The following UBXN4 variants were observed in gnomAD, a reference collection of about 807,000 sequenced individuals.
UBXN4 encodes UBX domain protein 4.
Under a neutral mutation model 66.2 loss-of-function variants are expected in UBXN4, and 35 were observed. The observed-to-expected ratio is 0.53, with a 90% confidence interval of 0.40 to 0.70. The LOEUF is 0.70. Among genes scored for constraint, UBXN4 ranks in the 30% least tolerant of loss-of-function variants. UBXN4 has a pLI of 0.00. For synonymous variants in UBXN4, 203 were observed against 204.5 expected (o/e 0.99, Z 0.06); for missense variants, 533 against 599.8 (o/e 0.89, Z 1.16).
Position 135,782,967 on chromosome 2 carries a change from CTG to C in UBXN4, c.*81_*82del. The C allele has an allele frequency of 6.8e-7, 1 of 1,460,492 alleles. No homozygotes were observed. Among genetic ancestry groups the C allele is most frequent in the Non-Finnish European group, 9.3e-7 (1 of 1,073,230 alleles). 90.5% of individuals were successfully genotyped at this position (1,460,492 alleles called of 1,614,324 possible). A position where few individuals can be genotyped will look rare whatever the true frequency, so the allele number is the denominator to read the frequency against. On this transcript the variant is annotated 3_prime_UTR_variant, in exon 13 of 13. Coordinates refer to ENST00000272638, the MANE Select transcript of UBXN4 (RefSeq NM_014607.4). The stretch of plus-strand genomic sequence containing the variant: ...CTAAAATTCTACTGGAGAAGTGGGA[CTG>C]CTTTATATTTTCCAACTGGTCTATA...
chr2:135,781,766 G>A (rs560559262), intron 12 of UBXN4, among the ~76,000 whole-genome samples: 1 of 152,314 alleles, frequency 6.6e-6, no homozygotes, highest in South Asian at 2.1e-4. Context: ...AGAGCTCGTT[G>A]TATGGATTTT....
In UBXN4 at chr2:135,778,936, C is replaced by T; in HGVS notation, c.1054-12C>T. On this transcript the variant is annotated splice_polypyrimidine_tract_variant and intron_variant, in intron 10 of 12. Transcript: ENST00000272638. The stretch of plus-strand genomic sequence containing the variant: ...AAAGGCACTCTTTAAGTTTTTAAAA[C>T]TTATTTTACAGACTGTTGGCAACAC... 5 of 1,593,338 alleles carry T rather than the reference C, an allele frequency of 3.1e-6. No individual in the cohort carries two copies. Among genetic ancestry groups the T allele is most frequent in the Non-Finnish European group, 4.3e-6 (5 of 1,171,422 alleles).
chr2:135,780,008 A>G (rs1266720809), intron 11 of UBXN4, among the ~76,000 whole-genome samples, 175 bp from the exon 12 acceptor site: 1 of 151,164 alleles, frequency 6.6e-6, no homozygotes, highest in Non-Finnish European at 1.5e-5. Flanking sequence ...AACTTCTGGG[A>G]GTCTTCAGAA....
intron 7 of UBXN4, 119 bp from the exon 8 acceptor site, chr2:135,770,452 C>G: frequency 3.1e-6 from 2 of 650,110 alleles, no homozygotes; most frequent in South Asian, 5.3e-5. Flanking sequence ...TTAATAAACT[C>G]GTCTAGACTT....
chr2:135,773,942 A>G (rs772145922), intron 9 of UBXN4, among the ~76,000 whole-genome samples: 5 of 152,254 alleles, frequency 3.3e-5, no homozygotes, highest in Admixed American at 6.5e-5. Context: ...TGTTAAGATG[A>G]TAATCCTCCC....
chr2:135,758,459 C>A (rs2077291799), intron 5 of UBXN4, among the ~76,000 whole-genome samples: 1 of 152,096 alleles, frequency 6.6e-6, no homozygotes. Context: ...AGTAATCCTC[C>A]TGCCTTGCCC....
At chr2:135,748,855 C>A (rs951094372) in intron 2 of UBXN4, among the ~76,000 whole-genome samples, 2 of 151,494 alleles carry the variant, frequency 1.3e-5, no homozygotes, top group Admixed American at 1.3e-4. Context: ...CACAGTGAGA[C>A]CTTGTCTCTA....
chr2:135,762,046 C>A (rs2077319264), intron 6 of UBXN4, 135 bp downstream of exon 6: 1 of 838,830 alleles, frequency 1.2e-6, no homozygotes, highest in Non-Finnish European at 1.8e-6. Context: ...GATCACCTAA[C>A]TAATTTGTAT....
At chr2:135,755,247 G>A (rs1204892905) in intron 4 of UBXN4, among the ~76,000 whole-genome samples, 3 of 151,882 alleles carry the variant, frequency 2.0e-5, no homozygotes, top group Admixed American at 1.3e-4. Context: ...ATGGCTGGTA[G>A]AAGTTTGTAA....
chr2:135,750,026 G>A (rs182787140), intron 2 of UBXN4, among the ~76,000 whole-genome samples: 4 of 152,214 alleles, frequency 2.6e-5, no homozygotes, highest in African/African-American at 9.6e-5. Context: ...CCCTCATCCT[G>A]TCCTAAGACT....
At chr2:135,748,006 G>A (rs879814705) in intron 1 of UBXN4, 18 of 339,510 alleles carry the variant, frequency 5.3e-5, no homozygotes, top group Non-Finnish European at 8.1e-5. Flanking sequence ...GGTACTTTGC[G>A]CATCATAATT....
intron 5 of UBXN4, among the ~76,000 whole-genome samples, chr2:135,757,788 T>G (rs1323791810): frequency 1.3e-5 from 2 of 151,712 alleles, no homozygotes; most frequent in Non-Finnish European, 2.9e-5. Flanking sequence ...AAAAAAAATT[T>G]TTTTTTTTTT....
chr2:135,776,689 G>A (rs2077417030), intron 10 of UBXN4, among the ~76,000 whole-genome samples: 1 of 152,212 alleles, frequency 6.6e-6, no homozygotes, highest in African/African-American at 2.4e-5. Flanking sequence ...GACCTCCTGG[G>A]CTCAAGCGAC....
intron 5 of UBXN4, among the ~76,000 whole-genome samples, chr2:135,760,479 G>C (rs151133827): frequency 6.6e-6 from 1 of 151,992 alleles, no homozygotes; most frequent in East Asian, 1.9e-4. Flanking sequence ...AGTCATTTAT[G>C]AAATACCAAA....
intron 5 of UBXN4, among the ~76,000 whole-genome samples, chr2:135,757,400 A>T (rs2077285067): frequency 6.6e-6 from 1 of 152,156 alleles, no homozygotes; most frequent in African/African-American, 2.4e-5. Flanking sequence ...TAAGTTACAG[A>T]AGTTGTGCAG....
intron 6 of UBXN4, among the ~76,000 whole-genome samples, chr2:135,768,259 C>T (rs1270106466): frequency 1.3e-5 from 2 of 152,018 alleles, no homozygotes; most frequent in East Asian, 1.9e-4. Context: ...AGTGCAGTTT[C>T]ACCATCTCGG....
At position 135,774,823 on chromosome 2, in the gene UBXN4, C is replaced by T. The variant is rs531731065; in HGVS notation, c.951-1426C>T. Among the ~76,000 whole-genome samples, 6 of 148,246 alleles carry T rather than the reference C, an allele frequency of 4.0e-5. No individual in the cohort carries two copies. In the East Asian group the frequency reaches 5.9e-4, roughly 15 times the overall value. ...TTGCGCCACTGCACTCCAGCCTGGG[C>T]GACAGAGTGGGACTCTGTCTCAAAA... On this transcript the variant is annotated intron_variant, in intron 9 of 12. Coordinates refer to ENST00000272638, the MANE Select transcript of UBXN4 (RefSeq NM_014607.4).
In UBXN4 at chr2:135,761,810, T is replaced by A; in HGVS notation, c.509-8T>A. 6.3e-7 allele frequency: 1 copy of A among 1,589,830 alleles called. No individual in the cohort carries two copies. The highest frequency in any genetic ancestry group is 8.5e-7 in the Non-Finnish European group (1 of 1,171,816). On this transcript the variant is annotated splice_region_variant and splice_polypyrimidine_tract_variant and intron_variant, in intron 5 of 12. Transcript: ENST00000272638. ...AGTATTCTTATTTCTTTTTATTTAA[T>A]AATTAAGGAGGAGAAAGTGCAGGCC...
chr2:135,775,538 A>G (rs2077409497), intron 9 of UBXN4, among the ~76,000 whole-genome samples: 1 of 152,226 alleles, frequency 6.6e-6, no homozygotes, highest in Admixed American at 6.5e-5. Context: ...CAAGTTACAA[A>G]GGTCACATAC....
Sources: gnomAD v4.1 joint callset for allele counts (sites outside exome capture counted in the v4.1 genomes callset) on GRCh38, gnomAD v4.1.1 for gene constraint, MANE v1.5 for transcripts, NCBI Gene and HGNC (gene_info 2026-07-23, HGNC 2026-07-21) for gene names.